CHRNE: variants seen among roughly 807,000 people sequenced by gnomAD.
CHRNE encodes acetylcholine receptor subunit epsilon.
A neutral mutation model predicts 56.5 loss-of-function variants in CHRNE; 58 were observed. The ratio of observed to expected loss-of-function variants is 1.03; its 90% confidence interval spans 0.83 to 1.28. The LOEUF (loss-of-function observed/expected upper bound fraction) is 1.28. Ranked by LOEUF, CHRNE falls within the 50% of genes most tolerant of loss-of-function variation. The pLI is 0.00. For synonymous variants in CHRNE, 385 were observed against 297.9 expected, an observed-to-expected ratio of 1.29 and a Z score of -3.01; for missense variants, 793 against 688.9, an observed-to-expected ratio of 1.15 and a Z score of -1.69.
At position 4,898,729 on chromosome 17, in the gene CHRNE, G is replaced by T. The variant is rs769063090; in HGVS notation, c.*7C>A. 3 of 1,608,670 alleles carry T rather than the reference G, an allele frequency of 1.9e-6. No individual in the cohort carries two copies. The highest frequency in any genetic ancestry group is 1.3e-5 in the African/African-American group (1 of 75,018). On this transcript the variant is annotated 3_prime_UTR_variant, in exon 12 of 12. Transcript: ENST00000649488. ...GGAGATGGGTGGGAAATTGAAGTCG[G>T]TGCGAGCTAAGGCTGGATACACGGC...
Position 4,902,447 on chromosome 17 carries a change from C to G in CHRNE, c.234+3G>C. The G allele has an allele frequency of 6.2e-7, 1 of 1,614,202 alleles. No homozygotes were observed. The highest frequency in any genetic ancestry group is 1.1e-5 in the South Asian group (1 of 91,090). On this transcript the variant is annotated splice_donor_region_variant and intron_variant, in intron 3 of 11. Transcript: ENST00000649488. The surrounding 1 kb of genome is among the most constrained non-coding windows in gnomAD (Gnocchi z 4.0). The stretch of plus-strand genomic sequence containing the variant: ...CTCACACCATTCCCCAGATTTGACT[C>G]ACGATTCCAATCCAGACGCTAGTGG...
Position 4,902,224 on chromosome 17 carries a change from C to G in CHRNE, c.337G>C (p.Glu113Gln). Residue 113 changes from glutamate (E) to glutamine (Q), a missense_variant, in exon 4 of 12, where the codon GAA (glutamate) becomes CAA (glutamine). Glu to Gln is a conservative substitution (Grantham distance 29, BLOSUM62 2). Coordinates refer to ENST00000649488, the MANE Select transcript of CHRNE (RefSeq NM_000080.4). The surrounding 1 kb of genome is among the most constrained non-coding windows in gnomAD (Gnocchi z 4.0). ...ELVWLPEIVL[E>Q]NNIDGQFGVA... ...GTCTGGCCCGGTTCTCACTTGTTTTCCAGCACAATCTCTGGCAGCCACACG... is the reference window on the plus strand; with the variant it reads ...GTCTGGCCCGGTTCTCACTTGTTTTGCAGCACAATCTCTGGCAGCCACACG... 2.5e-6 allele frequency: 4 copies of G among 1,614,076 alleles called. No homozygotes were observed. The highest frequency in any genetic ancestry group is 3.4e-6 in the Non-Finnish European group (4 of 1,180,008).
Position 4,897,994 on chromosome 17 carries a change from C to CCCTCCT in CHRNE, c.*741_*742insAGGAGG. The CCCTCCT allele has an allele frequency of 3.9e-5, 4 of 102,150 alleles. No homozygotes were observed. Among genetic ancestry groups the CCCTCCT allele is most frequent in the South Asian group, 3.0e-4 (1 of 3,330 alleles). 6.3% of individuals were successfully genotyped at this position (102,150 alleles called of 1,614,324 possible). A position where few individuals can be genotyped will look rare whatever the true frequency, so the allele number is the denominator to read the frequency against. ...AGTAACCCTTCTCCCTCCCCCCCCA[C>CCCTCCT]CCCTCCTCAATGTAGTGGCCTTGGA... is the stretch of plus-strand genomic sequence containing the variant. On this transcript the variant is annotated 3_prime_UTR_variant, in exon 12 of 12. Transcript: ENST00000649488.
In CHRNE at chr17:4,898,436, G is replaced by A; in HGVS notation, c.*300C>T. ...ATAGCTCACAAGCTGGCAGCCACCA[G>A]AGTCCCGTGGGGCTGAGCCTTAGAA... is the stretch of plus-strand genomic sequence containing the variant. On this transcript the variant is annotated 3_prime_UTR_variant, in exon 12 of 12. Coordinates refer to ENST00000649488, the MANE Select transcript of CHRNE (RefSeq NM_000080.4). The A allele has an allele frequency of 2.1e-6, 1 of 486,152 alleles. No homozygotes were observed. Among genetic ancestry groups the A allele is most frequent in the Non-Finnish European group, 3.8e-6 (1 of 264,926 alleles). The allele number at this position is 486,152 out of a possible 1,614,324, so 30.1% of individuals were successfully genotyped here.
chr17:4,899,129 T>G, intron 10 of CHRNE, 22 bp from the exon 11 acceptor site: 1 of 1,598,996 alleles, frequency 6.3e-7, no homozygotes, highest in Non-Finnish European at 8.5e-7. Context: ...AACACCGGGG[T>G]GGGCCTTAGG....
intron 5 of CHRNE, 132 bp from the exon 6 acceptor site, chr17:4,901,757 C>A: frequency 3.2e-6 from 4 of 1,236,150 alleles, no homozygotes; most frequent in Non-Finnish European, 4.7e-6. Context: ...CCAGCCCGCA[C>A]GCCTCTGTTC....
rs1309975444 is a variant in CHRNE, at chr17:4,901,042, G to T, written c.750C>A (p.Pro250=). The change falls in exon 7 of 12, where the codon CCC becomes CCA. Residue 250 remains proline, a synonymous_variant. Coordinates refer to ENST00000649488, the MANE Select transcript of CHRNE (RefSeq NM_000080.4). ...GCACCAGGCCCGAGATGAGCACACA[G>T]GGCACGATGATGTTAATGACGTAGA... ...PLFYVINIIV[P]CVLISGLVLL... is the part of the protein sequence containing the mutation. The T allele has an allele frequency of 6.2e-7, 1 of 1,613,952 alleles. No individual in the cohort carries two copies. Among genetic ancestry groups the T allele is most frequent in the East Asian group, 2.2e-5 (1 of 44,886 alleles).
At position 4,902,145 on chromosome 17, in the gene CHRNE, C is replaced by A. The variant is rs1970012898; in HGVS notation, c.345-58G>T. 1.9e-6 allele frequency: 3 copies of A among 1,613,328 alleles called. No homozygotes were observed. Among genetic ancestry groups the A allele is most frequent in the African/African-American group, 1.3e-5 (1 of 74,794 alleles). On this transcript the variant is annotated intron_variant, in intron 4 of 11. Coordinates refer to ENST00000649488, the MANE Select transcript of CHRNE (RefSeq NM_000080.4). The surrounding 1 kb of genome is among the most constrained non-coding windows in gnomAD (Gnocchi z 4.0). ...AGGTCTGCACCCTCTCAGAGTACCC[C>A]CTTCCCCAACCAAGTCCAGCCCGCA...
rs1195314820 is a variant in CHRNE at position 4,902,962 on chromosome 17, T to G, written c.46+56A>C. ...TTGGTCTCTGTCTTTGTCTTCCCAG[T>G]CCCTTCATGTCAGTATCTGTGTGTG... On this transcript the variant is annotated intron_variant, in intron 1 of 11. Coordinates refer to ENST00000649488, the MANE Select transcript of CHRNE (RefSeq NM_000080.4). This position sits in a 1 kb window ranked among gnomAD's most constrained non-coding sequence, Gnocchi z 4.0. The G allele has an allele frequency of 3.1e-6, 5 of 1,608,776 alleles. No homozygotes were observed. Among genetic ancestry groups the G allele is most frequent in the Non-Finnish European group, 4.3e-6 (5 of 1,175,390 alleles).
intron 5 of CHRNE, 121 bp from the exon 6 acceptor site, chr17:4,901,746 C>G (rs1969993248): frequency 8.0e-7 from 1 of 1,257,418 alleles, no homozygotes; most frequent in African/African-American, 1.5e-5. Flanking sequence ...TTCACCCAAG[C>G]CCAGCCCGCA....
chr17:4,898,708 ATGGG>A lies in CHRNE; in HGVS notation c.*24_*27del. ...TTTCAAAATCAATTTCCTACTGGAGATGGGTGGGAAATTGAAGTCGGTGCGAGCT... is the reference window on the plus strand; with the variant it reads ...TTTCAAAATCAATTTCCTACTGGAGATGGGAAATTGAAGTCGGTGCGAGCT... On this transcript the variant is annotated 3_prime_UTR_variant, in exon 12 of 12. Transcript: ENST00000649488. 1.9e-6 allele frequency: 3 copies of A among 1,602,464 alleles called. No homozygotes were observed. Among genetic ancestry groups the A allele is most frequent in the Non-Finnish European group, 2.6e-6 (3 of 1,175,278 alleles).
upstream of CHRNE, among the ~76,000 whole-genome samples, chr17:4,906,670 T>C (rs1970096026): frequency 1.3e-5 from 2 of 151,934 alleles, no homozygotes; most frequent in African/African-American, 4.8e-5. Flanking sequence ...CTGGGCAATA[T>C]AGTGAGACCT....
chr17:4,901,670 G>C, intron 5 of CHRNE, 45 bp from the exon 6 acceptor site: 1 of 1,571,352 alleles, frequency 6.4e-7, no homozygotes, highest in Non-Finnish European at 8.7e-7. Flanking sequence ...CTCTGACCTG[G>C]GCCCCGGCCT....
At position 4,899,404 on chromosome 17, in the gene CHRNE, T is replaced by G; in HGVS notation, c.1033-20A>C. The stretch of plus-strand genomic sequence containing the variant: ...GAGAACCTGGGGCAGGGGCGGGGCT[T>G]AGGGGACGAGGTTAGTACGAAGCCC... On this transcript the variant is annotated intron_variant, in intron 9 of 11. Coordinates refer to ENST00000649488, the MANE Select transcript of CHRNE (RefSeq NM_000080.4). 6.5e-7 allele frequency: 1 copy of G among 1,538,026 alleles called. No homozygotes were observed. The highest frequency in any genetic ancestry group is 1.2e-5 in the South Asian group (1 of 83,962).
upstream of CHRNE, among the ~76,000 whole-genome samples, chr17:4,905,548 G>A (rs141419236): frequency 9.3e-5 from 14 of 149,976 alleles, no homozygotes; most frequent in African/African-American, 2.5e-4. Context: ...GGTGACAAGC[G>A]AGACCCTATC....
upstream of CHRNE, among the ~76,000 whole-genome samples, chr17:4,907,436 C>T (rs1034094723): frequency 1.2e-4 from 18 of 151,526 alleles, no homozygotes; most frequent in African/African-American, 1.7e-4. Flanking sequence ...GGCATGGTGG[C>T]GGGCGCCTGT....
Position 4,903,072 on chromosome 17 carries a change from G to C in CHRNE, c.-9C>G, listed in dbSNP as rs373612116. The C allele has an allele frequency of 1.9e-6, 3 of 1,613,872 alleles. No homozygotes were observed. Among genetic ancestry groups the C allele is most frequent in the Admixed American group, 1.7e-5 (1 of 59,990 alleles). ...AGCGGAGCCCTTGCCATCCTGCTGC[G>C]TGGTTCTCAGGGTTATTCTGAGCTC... On this transcript the variant is annotated 5_prime_UTR_variant, in exon 1 of 12. Transcript: ENST00000649488.
rs1166535314 is a variant in CHRNE, at chr17:4,901,185, C to T, written c.607G>A (p.Gly203Ser). The T allele has an allele frequency of 3.1e-6, 5 of 1,603,930 alleles. No homozygotes were observed. Among genetic ancestry groups the T allele is most frequent in the Admixed American group, 1.7e-5 (1 of 59,986 alleles). ...GGGCAGAAGTCGATGGCCCACTCGC[C>T]GTTCTCTGCGGGACGGGGGCACGGT... ...DIDTEAYTEN[G>S]EWAIDFCPGV... is the part of the protein sequence containing the mutation. The change falls in exon 7 of 12, where the codon GGC becomes AGC. Residue 203 changes from glycine (G) to serine (S), a missense_variant. Physicochemically the swap from Gly to Ser is moderately conservative, Grantham distance 56. Coordinates refer to ENST00000649488, the MANE Select transcript of CHRNE (RefSeq NM_000080.4).
In CHRNE at chr17:4,900,687, G is replaced by T. The variant is rs1969951266; in HGVS notation, c.917+106C>A. 4.8e-6 allele frequency: 7 copies of T among 1,461,122 alleles called. No individual in the cohort carries two copies. The Admixed American group carries it at 1.4e-4, about 29-fold the overall frequency. The allele number at this position is 1,461,122 out of a possible 1,614,324, so 90.5% of individuals were successfully genotyped here. ...CAGCCCCACCCAGCGTCCGAATAAA[G>T]CCCAGGGCGGGGCGAGACAGCCAGA... On this transcript the variant is annotated intron_variant, in intron 8 of 11. Transcript: ENST00000649488.
Sources: gnomAD v4.1 joint callset for allele counts (sites outside exome capture counted in the v4.1 genomes callset) on GRCh38, gnomAD v4.1.1 for gene constraint, Gnocchi (gnomAD v3.1) non-coding constraint, MANE v1.5 for transcripts, NCBI Gene and HGNC (gene_info 2026-07-23, HGNC 2026-07-21) for gene names.